Variants in LTBP1 observed in about 807,000 individuals in gnomAD.
The protein encoded by LTBP1 is latent-transforming growth factor beta-binding protein 1.
In LTBP1, 129 loss-of-function variants were observed where a neutral mutation model predicts 207.6. That is an observed-to-expected ratio of 0.62 (90% CI 0.54 to 0.72). The LOEUF (loss-of-function observed/expected upper bound fraction) is 0.72, where lower values mean the gene tolerates loss of function less well. Ranked by LOEUF, LTBP1 falls within the 30% of genes least tolerant of loss-of-function variation. The pLI, the probability that LTBP1 is intolerant of heterozygous loss-of-function variation, is 0.00. For missense variants in LTBP1, 2,281 were observed against 2,217.2 expected (o/e 1.03, Z -0.58); for synonymous variants, 963 against 833.7 (o/e 1.16, Z -2.67).
chr2:33,349,233 T>G (rs1166952125), intron 26 of LTBP1, among the ~76,000 whole-genome samples: 2 of 152,190 alleles, frequency 1.3e-5, no homozygotes, highest in East Asian at 3.8e-4. Context: ...GGCAGATCAC[T>G]GAGGCCAGGA....
intron 5 of LTBP1, among the ~76,000 whole-genome samples, chr2:33,158,319 AC>A (rs1269507113): frequency 6.6e-6 from 1 of 152,174 alleles, no homozygotes; most frequent in Non-Finnish European, 1.5e-5. Context: ...TTAAGTAGTT[AC>A]ATAGAAGTAA....
intron 2 of LTBP1, among the ~76,000 whole-genome samples, chr2:33,005,537 TTTC>T (rs1686725073): frequency 6.6e-6 from 1 of 151,890 alleles, no homozygotes; most frequent in Non-Finnish European, 1.5e-5. Context: ...TGCATGTCAC[TTTC>T]AGAACAGTGA....
intron 7 of LTBP1, among the ~76,000 whole-genome samples, chr2:33,206,515 C>A (rs922239832): frequency 2.0e-5 from 3 of 151,930 alleles, no homozygotes; most frequent in Non-Finnish European, 4.4e-5. Flanking sequence ...CCGAGGCGGG[C>A]GGATCACGAG....
intron 3 of LTBP1, among the ~76,000 whole-genome samples, chr2:33,058,911 G>C (rs1194724005): frequency 1.3e-5 from 2 of 152,198 alleles, no homozygotes; most frequent in African/African-American, 4.8e-5. Context: ...CTGCGGGAGA[G>C]GTTGGAAAAT....
rs760082482 is a variant in LTBP1, at chr2:33,364,277, C to T, written c.4461C>T (p.Gly1487=). 2.5e-6 allele frequency: 4 copies of T among 1,613,760 alleles called. No individual in the cohort carries two copies. Among genetic ancestry groups the T allele is most frequent in the East Asian group, 4.5e-5 (2 of 44,872 alleles). Reference sequence around the variant, plus strand: ...ATGGCCAGTGTGTTAATACAGAGGGCTCTTACAACTGCTTCTGTACTCACC... The same window carrying T: ...ATGGCCAGTGTGTTAATACAGAGGGTTCTTACAACTGCTTCTGTACTCACC... ...CIDGQCVNTE[G]SYNCFCTHPM... Residue 1487 remains glycine, a synonymous_variant, in exon 30 of 34, where the codon GGC becomes GGT. Transcript: ENST00000404816.
chr2:32,980,543 A>G (rs1682602939), intron 2 of LTBP1, among the ~76,000 whole-genome samples: 1 of 152,126 alleles, frequency 6.6e-6, no homozygotes, highest in Non-Finnish European at 1.5e-5. Context: ...ATCTTACTGT[A>G]CTGTGTATTT....
intron 31 of LTBP1, among the ~76,000 whole-genome samples, chr2:33,373,375 C>A (rs2095094489): frequency 6.6e-6 from 1 of 152,280 alleles, no homozygotes; most frequent in South Asian, 2.1e-4. Flanking sequence ...ACATCTGAAT[C>A]AAAAATTCTA....
At chr2:33,187,944 C>T (rs2087381198) in intron 6 of LTBP1, among the ~76,000 whole-genome samples, 1 of 152,098 alleles carries the variant, frequency 6.6e-6, no homozygotes, top group Non-Finnish European at 1.5e-5. Flanking sequence ...TTCTGATTAA[C>T]ATTTGATAAA....
intron 4 of LTBP1, among the ~76,000 whole-genome samples, chr2:33,130,684 C>T (rs1057361967): frequency 6.6e-6 from 1 of 152,050 alleles, no homozygotes; most frequent in African/African-American, 2.4e-5. Flanking sequence ...GCCAGTGCCT[C>T]TTCTTGGAGG....
At chr2:33,009,848 G>T (rs977897520) in intron 2 of LTBP1, among the ~76,000 whole-genome samples, 3 of 152,192 alleles carry the variant, frequency 2.0e-5, no homozygotes, top group Non-Finnish European at 2.9e-5. Context: ...CTAAGTTTGA[G>T]AAGCCTGTTA....
At chr2:32,952,478 T>G (rs1677295235) in intron 2 of LTBP1, among the ~76,000 whole-genome samples, 1 of 152,222 alleles carries the variant, frequency 6.6e-6, no homozygotes, top group Non-Finnish European at 1.5e-5. Flanking sequence ...TGACTCTTGA[T>G]AGCCTTACCT....
intron 24 of LTBP1, among the ~76,000 whole-genome samples, chr2:33,324,402 G>A (rs906146753): frequency 6.6e-6 from 1 of 151,466 alleles, no homozygotes; most frequent in Non-Finnish European, 1.5e-5. Context: ...ATGTATGTAT[G>A]TATATATATG....
At chr2:33,196,511 G>T (rs1367329200) in intron 7 of LTBP1, among the ~76,000 whole-genome samples, 1 of 151,966 alleles carries the variant, frequency 6.6e-6, no homozygotes, top group Non-Finnish European at 1.5e-5. Flanking sequence ...ATGACCAAGG[G>T]CCAATCTAAG....
At chr2:33,373,634 C>T (rs893390968) in intron 31 of LTBP1, among the ~76,000 whole-genome samples, 26 of 152,026 alleles carry the variant, frequency 1.7e-4, no homozygotes, top group African/African-American at 5.8e-4. Context: ...AAATTATATA[C>T]AGCTTGTGGT....
chr2:32,981,783 G>A lies in LTBP1; in HGVS notation c.565+32838G>A, dbSNP rs115226151. The stretch of plus-strand genomic sequence containing the variant: ...TGAAAAAGTCTCACAAGATCTGATG[G>A]TTTTAGAAAGGGAAGTTCCTCTGCA... On this transcript the variant is annotated intron_variant, in intron 2 of 33. Coordinates refer to ENST00000404816, the MANE Select transcript of LTBP1 (RefSeq NM_206943.4). Among the ~76,000 whole-genome samples, 424 of 152,236 alleles carry A rather than the reference G, an allele frequency of 2.8e-3. 1 individual carries two copies. Among genetic ancestry groups the A allele is most frequent in the Admixed American group, 4.3e-3 (65 of 15,284 alleles).
chr2:33,090,982 G>C (rs540861729), intron 3 of LTBP1, among the ~76,000 whole-genome samples: 7 of 152,122 alleles, frequency 4.6e-5, no homozygotes, highest in Admixed American at 6.5e-5. Flanking sequence ...CTTGAGTCAG[G>C]CTTGGCTTCC....
intron 3 of LTBP1, among the ~76,000 whole-genome samples, chr2:33,036,331 G>C (rs542411126): frequency 6.6e-6 from 1 of 152,272 alleles, no homozygotes; most frequent in East Asian, 1.9e-4. Flanking sequence ...ACTGATTAAA[G>C]CTGGGGATTC....
intron 3 of LTBP1, among the ~76,000 whole-genome samples, chr2:33,047,702 A>G (rs2076515302): frequency 6.6e-6 from 1 of 152,152 alleles, no homozygotes; most frequent in Non-Finnish European, 1.5e-5. Flanking sequence ...TCTGACTAAT[A>G]TTGACAGTGG....
chr2:33,213,892 G>A (rs2090496454), intron 7 of LTBP1, among the ~76,000 whole-genome samples: 1 of 152,184 alleles, frequency 6.6e-6, no homozygotes, highest in South Asian at 2.1e-4. Context: ...CTGTGGACCT[G>A]CAAAAACAAA....
Sources: allele counts gnomAD v4.1 joint callset (sites outside exome capture counted in the v4.1 genomes callset), GRCh38; gene constraint gnomAD v4.1.1; transcripts MANE v1.5; gene names NCBI Gene and HGNC (gene_info 2026-07-23, HGNC 2026-07-21).